Variants in DMXL2 observed in about 807,000 individuals in gnomAD.
DMXL2 encodes the protein dmX-like protein 2.
DMXL2 carries 103 observed loss-of-function variants against 331.1 expected under a neutral mutation model. That is an observed-to-expected ratio of 0.31 (90% CI 0.27 to 0.37). The LOEUF (loss-of-function observed/expected upper bound fraction) is 0.37, where lower values mean the gene tolerates loss of function less well. DMXL2 is among the 10% of genes least tolerant of loss of function. The pLI is 1.00. For synonymous variants in DMXL2, 1,281 were observed against 1,252.1 expected, an observed-to-expected ratio of 1.02 and a Z score of -0.49; for missense variants, 3,171 against 3,642.9, an observed-to-expected ratio of 0.87 and a Z score of 3.33.
chr15:51,498,520 C>A, intron 18 of DMXL2, 32 bp downstream of exon 18: 2 of 1,579,466 alleles, frequency 1.3e-6, no homozygotes, highest in South Asian at 2.3e-5. Context: ...CTATTAGGTA[C>A]AACTTTATAA....
In DMXL2 at chr15:51,622,683, C is replaced by T. The variant is rs2054737550; in HGVS notation, c.-138G>A. ...GCGGAGGCTCTGGCTTAACTCCTCGCCCCCCTTTCGCCTTCCCTCCGCCTC... is the reference window on the plus strand; with the variant it reads ...GCGGAGGCTCTGGCTTAACTCCTCGTCCCCCTTTCGCCTTCCCTCCGCCTC... On this transcript the variant is annotated 5_prime_UTR_variant, in exon 1 of 44. Coordinates refer to ENST00000560891, the MANE Select transcript of DMXL2 (RefSeq NM_001378457.1). 1 of 1,415,340 alleles carries T rather than the reference C, an allele frequency of 7.1e-7. No homozygotes were observed. The allele number at this position is 1,415,340 out of a possible 1,614,324, so 87.7% of individuals were successfully genotyped here.
At chr15:51,555,365 T>C (rs1161718492) in intron 6 of DMXL2, among the ~76,000 whole-genome samples, 6 of 151,938 alleles carry the variant, frequency 3.9e-5, no homozygotes, top group Non-Finnish European at 7.4e-5. Context: ...AGGGAGTAGA[T>C]TGAGGGGTTA....
intron 1 of DMXL2, among the ~76,000 whole-genome samples, chr15:51,607,640 A>G (rs1332828336): frequency 6.6e-6 from 1 of 152,194 alleles, no homozygotes; most frequent in Non-Finnish European, 1.5e-5. Flanking sequence ...CAGATTTGAA[A>G]ACTCCCAAGC....
In DMXL2 at chr15:51,576,183, T is replaced by TAAAAAAACAAAA; in HGVS notation, c.88-3_88-2insTTTTGTTTTTTT. The TAAAAAAACAAAA allele has an allele frequency of 1.6e-6, 1 of 626,284 alleles. No individual in the cohort carries two copies. The highest frequency in any genetic ancestry group is 2.0e-6 in the Non-Finnish European group (1 of 493,546). 38.8% of individuals were successfully genotyped at this position (626,284 alleles called of 1,614,324 possible). On this transcript the variant is annotated splice_region_variant and splice_polypyrimidine_tract_variant and intron_variant, in intron 1 of 43. Coordinates refer to ENST00000560891, the MANE Select transcript of DMXL2 (RefSeq NM_001378457.1). Reference sequence around the variant, plus strand: ...AATATCACAGCCTGATCCATATGCCTAAAAAAAAAAAAAAAAAAAAGTTTT... The same window carrying TAAAAAAACAAAA: ...AATATCACAGCCTGATCCATATGCCTAAAAAAACAAAAAAAAAAAAAAAAAAAAAAAAGTTTT...
At chr15:51,582,204 A>G (rs1042432173) in intron 1 of DMXL2, among the ~76,000 whole-genome samples, 1 of 152,190 alleles carries the variant, frequency 6.6e-6, no homozygotes, top group Non-Finnish European at 1.5e-5. Flanking sequence ...GAAGTTGGTT[A>G]TTAATCCCAC....
chr15:51,494,345 C>T (rs1469990344), intron 19 of DMXL2, among the ~76,000 whole-genome samples: 3 of 152,174 alleles, frequency 2.0e-5, no homozygotes, highest in African/African-American at 2.4e-5. Context: ...AATACTAAGA[C>T]GTATATTATG....
intron 27 of DMXL2, among the ~76,000 whole-genome samples, chr15:51,475,767 A>T (rs1361740391): frequency 6.6e-6 from 1 of 152,234 alleles, no homozygotes; most frequent in African/African-American, 2.4e-5. Flanking sequence ...GTTAAATTGG[A>T]TAATTATGTG....
At chr15:51,592,963 C>G (rs1345174613) in intron 1 of DMXL2, among the ~76,000 whole-genome samples, 1 of 152,130 alleles carries the variant, frequency 6.6e-6, no homozygotes, top group Non-Finnish European at 1.5e-5. Flanking sequence ...TAAAAACATG[C>G]CAAATTGTAA....
rs75203703 is a variant in DMXL2, at chr15:51,523,511, G to C, written c.2437-6344C>G. Among the ~76,000 whole-genome samples, 413 of 152,302 alleles carry C rather than the reference G, an allele frequency of 2.7e-3. 19 individuals carry two copies. In the East Asian group the frequency reaches 0.065, roughly 24 times the overall value. ...AAATTCATGTCCACCCAGCATCTCGGAATGTAACCTTGTTTGAACGTAGGG... is the reference window on the plus strand; with the variant it reads ...AAATTCATGTCCACCCAGCATCTCGCAATGTAACCTTGTTTGAACGTAGGG... On this transcript the variant is annotated intron_variant, in intron 13 of 43. Coordinates refer to ENST00000560891, the MANE Select transcript of DMXL2 (RefSeq NM_001378457.1).
intron 16 of DMXL2, among the ~76,000 whole-genome samples, chr15:51,506,026 A>G (rs1162188655): frequency 6.6e-6 from 1 of 152,252 alleles, no homozygotes; most frequent in African/African-American, 2.4e-5. Context: ...AAATGTGTAC[A>G]GCAAAAGAAT....
chr15:51,514,360 T>C, intron 15 of DMXL2, 82 bp downstream of exon 15: 2 of 788,156 alleles, frequency 2.5e-6, no homozygotes, highest in Non-Finnish European at 4.0e-6. Context: ...GTGGTAACTT[T>C]TGAAGATCCA....
intron 37 of DMXL2, 109 bp downstream of exon 37, chr15:51,457,219 T>G: frequency 8.9e-7 from 1 of 1,124,004 alleles, no homozygotes; most frequent in Non-Finnish European, 1.3e-6. Context: ...TCATGGCCTA[T>G]CTACTGGTGT....
intron 2 of DMXL2, among the ~76,000 whole-genome samples, chr15:51,573,957 T>G (rs987572051): frequency 6.6e-6 from 1 of 152,078 alleles, no homozygotes; most frequent in Admixed American, 6.6e-5. Context: ...TGTCAGAAAC[T>G]TTATAATCCA....
chr15:51,551,186 G>A (rs778998729), intron 6 of DMXL2, among the ~76,000 whole-genome samples: 4 of 151,542 alleles, frequency 2.6e-5, no homozygotes, highest in African/African-American at 4.8e-5. Flanking sequence ...ATCAGATGTG[G>A]TATATTCTCA....
intron 13 of DMXL2, among the ~76,000 whole-genome samples, chr15:51,521,461 A>AGTG (rs139825400): frequency 2.5e-4 from 28 of 111,718 alleles, no homozygotes; most frequent in Non-Finnish European, 4.7e-4. Flanking sequence ...TAGTAGTAGT[A>AGTG]GTGGTAGTGG....
chr15:51,487,889 C>G, intron 22 of DMXL2, 65 bp downstream of exon 22: 1 of 1,372,182 alleles, frequency 7.3e-7, no homozygotes, highest in Non-Finnish European at 9.7e-7. Context: ...TTACAATCTC[C>G]TCTACAACCT....
intron 1 of DMXL2, among the ~76,000 whole-genome samples, chr15:51,613,318 G>GT (rs1215536099): frequency 6.6e-6 from 1 of 152,180 alleles, no homozygotes; most frequent in Admixed American, 6.5e-5. Flanking sequence ...AAAGACAGGT[G>GT]TAAGAAATTA....
At chr15:51,560,928 C>T (rs1487976716) in intron 6 of DMXL2, among the ~76,000 whole-genome samples, 1 of 151,394 alleles carries the variant, frequency 6.6e-6, no homozygotes, top group South Asian at 2.1e-4. Flanking sequence ...TTTGTTTATT[C>T]TTTATTATAT....
intron 1 of DMXL2, among the ~76,000 whole-genome samples, chr15:51,589,903 T>A (rs370176578): frequency 7.2e-5 from 11 of 152,226 alleles, no homozygotes; most frequent in African/African-American, 2.4e-4. Flanking sequence ...TCACAATTAG[T>A]ATTAAGATGT....
Sources: allele counts gnomAD v4.1 joint callset (sites outside exome capture counted in the v4.1 genomes callset), GRCh38; gene constraint gnomAD v4.1.1; transcripts MANE v1.5; gene names NCBI Gene and HGNC (gene_info 2026-07-23, HGNC 2026-07-21).